Variants in KTN1 observed in about 807,000 individuals in gnomAD.
The protein encoded by KTN1 is kinectin 1, also known as kinectin.
A neutral mutation model predicts 222.5 loss-of-function variants in KTN1; 130 were observed. That is an observed-to-expected ratio of 0.58 (90% CI 0.51 to 0.68). The LOEUF (loss-of-function observed/expected upper bound fraction) is 0.68, where lower values mean the gene tolerates loss of function less well. Ranked by LOEUF, KTN1 falls within the 30% of genes least tolerant of loss-of-function variation. The probability of loss-of-function intolerance (pLI) is 0.00; values close to 1 mark genes in which losing one functional copy is unlikely to be tolerated. For synonymous variants in KTN1, 512 were observed against 496.3 expected, an observed-to-expected ratio of 1.03 and a Z score of -0.42; for missense variants, 1,508 against 1,500.4, an observed-to-expected ratio of 1.01 and a Z score of -0.08.
chr14:55,643,056 T>C (rs1480266004), intron 18 of KTN1, among the ~76,000 whole-genome samples: 6 of 152,032 alleles, frequency 3.9e-5, no homozygotes, highest in Non-Finnish European at 8.8e-5. Context: ...ACTACAGGCA[T>C]ATGCCACCAT....
intron 7 of KTN1, among the ~76,000 whole-genome samples, chr14:55,632,843 T>C (rs1017872126): frequency 1.3e-5 from 2 of 152,224 alleles, no homozygotes; most frequent in African/African-American, 4.8e-5. Context: ...TTTTAAACTT[T>C]GGCTTACTAA....
intron 5 of KTN1, among the ~76,000 whole-genome samples, chr14:55,623,511 C>T (rs1341905475): frequency 3.9e-5 from 6 of 152,210 alleles, no homozygotes; most frequent in African/African-American, 1.4e-4. Flanking sequence ...TCCTGAGGAA[C>T]TGGGACCACA....
At chr14:55,679,542 C>T (rs2046183437) in intron 42 of KTN1, 23 bp from the exon 43 acceptor site, 2 of 1,582,504 alleles carry the variant, frequency 1.3e-6, no homozygotes, top group Admixed American at 3.6e-5. Flanking sequence ...TGGAGTTTAT[C>T]ATCACTTCCA....
At chr14:55,636,922 C>T (rs2041195735) in intron 10 of KTN1, among the ~76,000 whole-genome samples, 2 of 151,672 alleles carry the variant, frequency 1.3e-5, no homozygotes, top group African/African-American at 4.8e-5. Flanking sequence ...TTACTTAAAA[C>T]TGCCCATTTA....
chr14:55,678,037 A>C (rs973309533), intron 41 of KTN1, among the ~76,000 whole-genome samples: 1 of 152,236 alleles, frequency 6.6e-6, no homozygotes, highest in Admixed American at 6.5e-5. Flanking sequence ...CTTAGCTTGT[A>C]TTCTGTACAA....
At chr14:55,653,151 A>G (rs1431036772) in intron 27 of KTN1, 66 bp downstream of exon 27, 17 of 1,060,556 alleles carry the variant, frequency 1.6e-5, no homozygotes, top group Non-Finnish European at 2.3e-5. Context: ...AAGGCATTAG[A>G]AAGTAAAGAT....
chr14:55,678,515 T>A, intron 42 of KTN1, 71 bp downstream of exon 42: 1 of 891,792 alleles, frequency 1.1e-6, no homozygotes, highest in Non-Finnish European at 1.9e-6. Context: ...CAAAAATGTA[T>A]AAGGTCCATC....
intron 43 of KTN1, chr14:55,681,619 G>A: frequency 6.6e-6 from 1 of 152,126 alleles, no homozygotes; most frequent in East Asian, 1.9e-4. Flanking sequence ...CAGTTGGCAG[G>A]CAGCTCCCCT....
At chr14:55,644,142 A>G (rs2141028702) in intron 18 of KTN1, 1 of 388,852 alleles carries the variant, frequency 2.6e-6, no homozygotes, top group Non-Finnish European at 4.6e-6. Context: ...CAGACAAAGA[A>G]TCATTTCTGT....
chr14:55,601,389 T>C (rs2035945538), intron 1 of KTN1, among the ~76,000 whole-genome samples: 1 of 152,172 alleles, frequency 6.6e-6, no homozygotes, highest in African/African-American at 2.4e-5. Context: ...GGAATTCCAA[T>C]GTTTGGATTT....
At chr14:55,656,179 T>C in intron 29 of KTN1, 47 bp downstream of exon 29, 5 of 1,311,368 alleles carry the variant, frequency 3.8e-6, no homozygotes, top group Non-Finnish European at 4.3e-6. Context: ...TTATTGTCTT[T>C]GCATGCTTTA....
chr14:55,680,516 C>A, intron 43 of KTN1: 2 of 440,452 alleles, frequency 4.5e-6, no homozygotes, highest in Admixed American at 2.8e-5. Context: ...CTAAAACAAT[C>A]ATGATATCCT....
intron 2 of KTN1, among the ~76,000 whole-genome samples, chr14:55,615,727 A>G (rs1415481863): frequency 2.6e-5 from 4 of 152,148 alleles, no homozygotes; most frequent in Non-Finnish European, 5.9e-5. Context: ...TATTTTGTCA[A>G]TATGTAAGGA....
rs1272410684 is a variant in KTN1, at chr14:55,619,316, A to T, written c.963+4A>T. 2.5e-6 allele frequency: 4 copies of T among 1,612,860 alleles called. No homozygotes were observed. The Admixed American group carries it at 6.7e-5, about 27-fold the overall frequency. On this transcript the variant is annotated splice_donor_region_variant and intron_variant, in intron 5 of 43. Transcript: ENST00000395314. ...AATACAAGATGCTTTAAAGAAGGTA[A>T]GCGTGTTTTTTGATTATGGGCATAT...
At chr14:55,602,567 T>C (rs1373069891) in intron 1 of KTN1, among the ~76,000 whole-genome samples, 2 of 151,980 alleles carry the variant, frequency 1.3e-5, no homozygotes, top group Non-Finnish European at 2.9e-5. Flanking sequence ...ATGTGTTTTA[T>C]AAGACCTTCA....
chr14:55,658,632 T>G lies in KTN1; in HGVS notation c.2961+18T>G. 6.5e-7 allele frequency: 1 copy of G among 1,546,020 alleles called. No individual in the cohort carries two copies. Among genetic ancestry groups the G allele is most frequent in the East Asian group, 2.3e-5 (1 of 43,798 alleles). ...ACCAACAGGTAGGTATTATTAGATG[T>G]CTTGCCTTTCACTTACGTGGCAAAA... On this transcript the variant is annotated intron_variant, in intron 30 of 43. Transcript: ENST00000395314.
chr14:55,648,945 A>G, intron 21 of KTN1, 75 bp downstream of exon 21: 1 of 1,034,212 alleles, frequency 9.7e-7, no homozygotes, highest in Non-Finnish European at 1.5e-6. Flanking sequence ...AAATTAAAAG[A>G]AACGGGGTCT....
In KTN1 at chr14:55,637,310, G is replaced by T. The variant is rs2041242680; in HGVS notation, c.1662G>T (p.Met554Ile). 1 of 1,610,378 alleles carries T rather than the reference G, an allele frequency of 6.2e-7. No individual in the cohort carries two copies. The highest frequency in any genetic ancestry group is 8.5e-7 in the Non-Finnish European group (1 of 1,177,834). ...TGGAGCAAAGACTAATGCAGTTAAT[G>T]GAATCAGAGCAGAAAAGGGTGAACA... ...QQLEQRLMQLMESEQKRVNKE... is the reference protein window; with the variant it reads ...QQLEQRLMQLIESEQKRVNKE... The change falls in exon 11 of 44, where the codon ATG (methionine) becomes ATT (isoleucine). Residue 554 changes from methionine (M) to isoleucine (I), a missense_variant. Physicochemically the swap from Met to Ile is conservative, Grantham distance 10. Transcript: ENST00000395314.
chr14:55,659,453 C>A (rs1037101486), intron 30 of KTN1, among the ~76,000 whole-genome samples: 1 of 151,772 alleles, frequency 6.6e-6, no homozygotes, highest in African/African-American at 2.4e-5. Flanking sequence ...AAGTACGTTG[C>A]GACAGTAGAG....
Sources: allele counts gnomAD v4.1 joint callset (sites outside exome capture counted in the v4.1 genomes callset), GRCh38; gene constraint gnomAD v4.1.1; transcripts MANE v1.5; gene names NCBI Gene and HGNC (gene_info 2026-07-23, HGNC 2026-07-21).